SUPT6H: variants seen among roughly 807,000 people sequenced by gnomAD.
The protein encoded by SUPT6H is transcription elongation factor SPT6.
A neutral mutation model predicts 222.3 loss-of-function variants in SUPT6H; 11 were observed. That is an observed-to-expected ratio of 0.05 (90% CI 0.03 to 0.08). SUPT6H has a LOEUF of 0.08. Among genes scored for constraint, SUPT6H ranks in the 10% least tolerant of loss-of-function variants. The pLI is 1.00. For synonymous variants in SUPT6H, 762 were observed against 801.2 expected, an observed-to-expected ratio of 0.95 and a Z score of 0.83; for missense variants, 1,422 against 2,216.0, an observed-to-expected ratio of 0.64 and a Z score of 7.19.
chr17:28,691,137 A>T, intron 27 of SUPT6H, 74 bp downstream of exon 27: 1 of 1,530,068 alleles, frequency 6.5e-7, no homozygotes, highest in Non-Finnish European at 8.9e-7. Context: ...AGGGAATCAG[A>T]AATGAGGGTG....
intron 19 of SUPT6H, among the ~76,000 whole-genome samples, chr17:28,686,081 G>A (rs771269816): frequency 5.9e-5 from 9 of 152,094 alleles, no homozygotes; most frequent in Non-Finnish European, 1.2e-4. Context: ...AAAAAGAACG[G>A]TTTCCTAACT....
chr17:28,674,784 G>A (rs1035547896), intron 4 of SUPT6H, 171 bp downstream of exon 4: 8 of 915,840 alleles, frequency 8.7e-6, no homozygotes, highest in African/African-American at 1.7e-5. Context: ...CTGGGTGCCT[G>A]TTAGAGAAAG....
intron 1 of SUPT6H, 32 bp from the exon 2 acceptor site, chr17:28,673,338 GT>G: frequency 1.4e-6 from 2 of 1,392,294 alleles, no homozygotes; most frequent in East Asian, 2.4e-5. Context: ...TCATGTGTCC[GT>G]TTTTTTATCC....
In SUPT6H at chr17:28,681,414, G is replaced by A. The variant is rs530886149; in HGVS notation, c.1498+10G>A. The A allele has an allele frequency of 2.2e-5, 34 of 1,575,546 alleles. No homozygotes were observed. In the South Asian group the frequency reaches 3.5e-4, roughly 16 times the overall value. ...GAGGGAGATGAAGAAGGTTAGTGCT[G>A]GAAAAGAAAATCCAGGAGATTTGAT... On this transcript the variant is annotated intron_variant, in intron 12 of 36. Transcript: ENST00000314616.
Position 28,681,934 on chromosome 17 carries a change from A to T in SUPT6H, c.1551A>T (p.Gln517His). 1.2e-6 allele frequency: 2 copies of T among 1,609,958 alleles called. No homozygotes were observed. The highest frequency in any genetic ancestry group is 1.7e-6 in the Non-Finnish European group (2 of 1,178,960). ...DEEQRGPELKQASRRDMYTIC... is the reference protein window; with the variant it reads ...DEEQRGPELKHASRRDMYTIC... The stretch of plus-strand genomic sequence containing the variant: ...AGCAGAGGGGGCCTGAGCTCAAGCA[A>T]GCCTCTCGCCGAGACATGTACACCA... Residue 517 changes from glutamine to histidine, a missense_variant, in exon 13 of 37, where the codon CAA becomes CAT. By Grantham distance (24) the Gln-to-His change is conservative. Around this residue, in one of 13 missense-constraint regions of SUPT6H, gnomAD observed 389 missense variants for 544.6 expected, o/e 0.71. Transcript: ENST00000314616.
intron 27 of SUPT6H, among the ~76,000 whole-genome samples, chr17:28,692,256 G>T (rs1337725351): frequency 6.7e-6 from 1 of 149,650 alleles, no homozygotes; most frequent in East Asian, 2.0e-4. Flanking sequence ...CCCGGGAGGC[G>T]GAGCCTGCAG....
In SUPT6H at chr17:28,675,470, C is replaced by G; in HGVS notation, c.608C>G (p.Pro203Arg). 1.9e-6 allele frequency: 3 copies of G among 1,614,152 alleles called. No homozygotes were observed. Among genetic ancestry groups the G allele is most frequent in the Non-Finnish European group, 2.5e-6 (3 of 1,180,018 alleles). The stretch of plus-strand genomic sequence containing the variant: ...AAACCTAAGTGGCGGAAAAAGCTTC[C>G]TGGATACACAGACGCGTGAGTGGGG... ...LKKPKWRKKL[P>R]GYTDAALQEA... The change falls in exon 6 of 37, where the codon CCT becomes CGT. Residue 203 changes from proline to arginine, a missense_variant. This residue lies in a region of SUPT6H where 389 missense variants were observed against 544.6 expected (regional missense o/e 0.71). Transcript: ENST00000314616.
intron 29 of SUPT6H, 119 bp from the exon 30 acceptor site, chr17:28,696,725 C>A: frequency 1.1e-6 from 1 of 926,824 alleles, no homozygotes. Context: ...GGCACTCCAG[C>A]CCAGATGACA....
intron 1 of SUPT6H, among the ~76,000 whole-genome samples, chr17:28,663,572 A>G (rs951659623): frequency 1.7e-4 from 26 of 152,258 alleles, no homozygotes; most frequent in Admixed American, 1.4e-3. Flanking sequence ...TGGCACTACC[A>G]TCAGTCCTGC....
rs1479341644 is a variant in SUPT6H at position 28,701,804 on chromosome 17, T to C, written c.*179T>C. 9.3e-6 allele frequency: 6 copies of C among 645,588 alleles called. No homozygotes were observed. The highest frequency in any genetic ancestry group is 1.3e-5 in the Non-Finnish European group (5 of 386,046). The allele number at this position is 645,588 out of a possible 1,614,324, so 40.0% of individuals were successfully genotyped here. ...GCCTTGTGAACTTGAGCTCAGTGTA[T>C]GCTAGGCAACAATTCTCCCGCTCCA... On this transcript the variant is annotated 3_prime_UTR_variant, in exon 37 of 37. Coordinates refer to ENST00000314616, the MANE Select transcript of SUPT6H (RefSeq NM_003170.5).
At chr17:28,666,341 A>G (rs138829742) in intron 1 of SUPT6H, among the ~76,000 whole-genome samples, 1 of 152,326 alleles carries the variant, frequency 6.6e-6, no homozygotes, top group African/African-American at 2.4e-5. Context: ...CTACAGTGGC[A>G]GATTTGGCCC....
chr17:28,670,459 T>A (rs1254064690), intron 1 of SUPT6H: 1 of 152,144 alleles, frequency 6.6e-6, no homozygotes, highest in Non-Finnish European at 1.5e-5. Context: ...TGATTGGGTT[T>A]TGTGTGTGTG....
chr17:28,677,471 G>T (rs770417637), intron 7 of SUPT6H, among the ~76,000 whole-genome samples: 7 of 151,904 alleles, frequency 4.6e-5, no homozygotes, highest in African/African-American at 1.7e-4. Flanking sequence ...TTTGAACTCC[G>T]GAGGCGGAGG....
In SUPT6H at chr17:28,678,593, C is replaced by A; in HGVS notation, c.1165C>A (p.His389Asn). 2.5e-6 allele frequency: 4 copies of A among 1,614,150 alleles called. No homozygotes were observed. The highest frequency in any genetic ancestry group is 3.4e-6 in the Non-Finnish European group (4 of 1,180,016). ...YRKEYVEPEL[H>N]INDLWRVWQW... ...AAAGGAGTATGTGGAGCCTGAGTTGCACATCAATGACCTATGGAGAGTCTG... is the reference window on the plus strand; with the variant it reads ...AAAGGAGTATGTGGAGCCTGAGTTGAACATCAATGACCTATGGAGAGTCTG... The change falls in exon 10 of 37, where the codon CAC becomes AAC. Residue 389 changes from histidine (H) to asparagine (N), a missense_variant. Coordinates refer to ENST00000314616, the MANE Select transcript of SUPT6H (RefSeq NM_003170.5).
chr17:28,687,920 A>G (rs2031470527), intron 23 of SUPT6H, among the ~76,000 whole-genome samples, 171 bp from the exon 24 acceptor site: 1 of 151,564 alleles, frequency 6.6e-6, no homozygotes, highest in Non-Finnish European at 1.5e-5. Flanking sequence ...CATTTAAAGC[A>G]AAACTTTTTT....
intron 33 of SUPT6H, 24 bp downstream of exon 33, chr17:28,699,917 C>G (rs1157154735): frequency 8.1e-6 from 13 of 1,603,576 alleles, no homozygotes; most frequent in South Asian, 1.1e-5. Context: ...TTCCTGACTT[C>G]AGGGACGTGG....
chr17:28,673,243 C>A, intron 1 of SUPT6H, 128 bp from the exon 2 acceptor site: 1 of 591,064 alleles, frequency 1.7e-6, no homozygotes. Flanking sequence ...CTTTTCTTCT[C>A]CCCAAGTGGG....
At chr17:28,667,800 T>C (rs532402631) in intron 1 of SUPT6H, among the ~76,000 whole-genome samples, 2 of 151,820 alleles carry the variant, frequency 1.3e-5, no homozygotes, top group South Asian at 4.2e-4. Context: ...TATTAACAAG[T>C]TTTTTGAGAT....
At chr17:28,672,412 CTTT>C (rs994806723) in intron 1 of SUPT6H, among the ~76,000 whole-genome samples, 1 of 150,652 alleles carries the variant, frequency 6.6e-6, no homozygotes, top group African/African-American at 2.4e-5. Context: ...TTTTTCTTTT[CTTT>C]TTTTTTCTTT....
Sources: gnomAD v4.1 joint callset for allele counts (sites outside exome capture counted in the v4.1 genomes callset) on GRCh38, gnomAD v4.1.1 for gene constraint, gnomAD v4.1.1 regional missense constraint, MANE v1.5 for transcripts, NCBI Gene and HGNC (gene_info 2026-07-23, HGNC 2026-07-21) for gene names.